TTC28: variants seen among roughly 807,000 people sequenced by gnomAD.
TTC28 encodes tetratricopeptide repeat domain 28, also known as tetratricopeptide repeat protein 28.
Under a neutral mutation model 198.0 loss-of-function variants are expected in TTC28, and 61 were observed. The observed-to-expected ratio is 0.31, with a 90% CI of 0.25 to 0.38. TTC28 has a LOEUF of 0.38. Among genes scored for constraint, TTC28 ranks in the 10% least tolerant of loss-of-function variants. The pLI, the probability that TTC28 is intolerant of heterozygous loss-of-function variation, is 1.00. For missense variants in TTC28, 2,678 were observed against 3,164.0 expected (o/e 0.85, Z 3.69); for synonymous variants, 1,171 against 1,297.8 (o/e 0.90, Z 2.10).
rs138284713 is a variant in TTC28, at chr22:28,083,547, G to A, written c.3932+10533C>T. ...ATTCAGCAGTGGAGCCAAGATGGCCGAATAGGAACAGCTCCAGTCTACAGC... is the reference window on the plus strand; with the variant it reads ...ATTCAGCAGTGGAGCCAAGATGGCCAAATAGGAACAGCTCCAGTCTACAGC... On this transcript the variant is annotated intron_variant, in intron 12 of 22. Coordinates refer to ENST00000397906, the MANE Select transcript of TTC28 (RefSeq NM_001145418.2). Among the ~76,000 whole-genome samples, 552 of 152,336 alleles carry A rather than the reference G, an allele frequency of 3.6e-3. 9 individuals carry two copies. The East Asian group carries it at 0.052, about 14-fold the overall frequency.
chr22:28,119,323 T>C (rs1942722574), intron 6 of TTC28, among the ~76,000 whole-genome samples: 1 of 152,172 alleles, frequency 6.6e-6, no homozygotes, highest in South Asian at 2.1e-4. Context: ...GTCCTCAATA[T>C]TACAAATAAC....
intron 2 of TTC28, among the ~76,000 whole-genome samples, chr22:28,326,630 GAC>G (rs1353151849): frequency 6.6e-6 from 1 of 152,162 alleles, no homozygotes; most frequent in Non-Finnish European, 1.5e-5. Flanking sequence ...GAGAACAAAA[GAC>G]AGATACCTTT....
intron 2 of TTC28, among the ~76,000 whole-genome samples, chr22:28,474,317 T>C (rs2048133933): frequency 6.6e-6 from 1 of 152,188 alleles, no homozygotes; most frequent in Non-Finnish European, 1.5e-5. Context: ...TGTATTTATA[T>C]GTATATCAGA....
At chr22:28,017,772 C>T (rs1301255474) in intron 13 of TTC28, among the ~76,000 whole-genome samples, 3 of 152,178 alleles carry the variant, frequency 2.0e-5, no homozygotes, top group Admixed American at 1.3e-4. Flanking sequence ...CCAGTTGTTT[C>T]CTAGGGGATG....
chr22:28,552,251 C>G (rs2049687094), intron 2 of TTC28, among the ~76,000 whole-genome samples: 1 of 152,082 alleles, frequency 6.6e-6, no homozygotes, highest in Admixed American at 6.6e-5. Flanking sequence ...CAAATGGAAA[C>G]ACAACCCATG....
rs1443622875 is a variant in TTC28 at position 28,364,503 on chromosome 22, GAT to G, written c.382-57862_382-57861del. Among the ~76,000 whole-genome samples the G allele has an allele frequency of 2.0e-5, 3 of 152,176 alleles. No homozygotes were observed. The East Asian group carries it at 5.8e-4, about 29-fold the overall frequency. On this transcript the variant is annotated intron_variant, in intron 2 of 22. Transcript: ENST00000397906. ...TGAGGTTATAGTTGCCATAGATAGT[GAT>G]TCCTCTGAAGGCTATGGACAAAGTC...
intron 2 of TTC28, among the ~76,000 whole-genome samples, chr22:28,462,260 T>C (rs9625477): frequency 0.1 from 15,274 of 152,166 alleles, 870 homozygotes; most frequent in African/African-American, 0.12. Flanking sequence ...CTTTAGCCAA[T>C]AGAATGTGAG....
intron 2 of TTC28, among the ~76,000 whole-genome samples, chr22:28,486,210 T>C (rs1027264619): frequency 2.6e-5 from 4 of 152,094 alleles, no homozygotes; most frequent in Non-Finnish European, 4.4e-5. Context: ...CTAAGGAAAA[T>C]TGCTTTTACT....
intron 2 of TTC28, among the ~76,000 whole-genome samples, chr22:28,387,760 G>A (rs549983987): frequency 1.3e-5 from 2 of 152,282 alleles, no homozygotes; most frequent in South Asian, 4.1e-4. Flanking sequence ...TGTCAGATGA[G>A]TAGGTTGCGA....
chr22:28,140,298 C>T (rs1943300777), intron 6 of TTC28, among the ~76,000 whole-genome samples: 1 of 152,238 alleles, frequency 6.6e-6, no homozygotes, highest in African/African-American at 2.4e-5. Flanking sequence ...TGATGTAAAA[C>T]AAACTCAGCC....
chr22:28,175,754 G>T (rs1923110644), intron 5 of TTC28, among the ~76,000 whole-genome samples: 1 of 151,802 alleles, frequency 6.6e-6, no homozygotes, highest in South Asian at 2.1e-4. Context: ...TAAAAAATGG[G>T]CAAAAGACCT....
chr22:28,426,148 G>C (rs916507104), intron 2 of TTC28, among the ~76,000 whole-genome samples: 3 of 148,322 alleles, frequency 2.0e-5, no homozygotes, highest in African/African-American at 7.4e-5. Flanking sequence ...GGAGGCCGAA[G>C]TTGCAGTGAG....
intron 2 of TTC28, among the ~76,000 whole-genome samples, chr22:28,433,048 A>G (rs898136717): frequency 6.6e-6 from 1 of 152,204 alleles, no homozygotes; most frequent in Non-Finnish European, 1.5e-5. Context: ...AAGTGGTTAT[A>G]TGGATCCTGT....
At chr22:28,029,082 C>T (rs777691834) in intron 13 of TTC28, 2 of 471,056 alleles carry the variant, frequency 4.2e-6, no homozygotes, top group Non-Finnish European at 8.8e-6. Flanking sequence ...TGTGTCCAGG[C>T]CCAATCCCAG....
At position 28,162,678 on chromosome 22, in the gene TTC28, G is replaced by A. The variant is rs1011860889; in HGVS notation, c.1441+414C>T. ...ATATCTAAAGAAAGAGGCCAGGTAC[G>A]GTGGCTTATGCCATAATTGTAGCAC... On this transcript the variant is annotated intron_variant, in intron 6 of 22. Coordinates refer to ENST00000397906, the MANE Select transcript of TTC28 (RefSeq NM_001145418.2). 8.5e-5 allele frequency among the ~76,000 whole-genome samples: 13 copies of A among 152,180 alleles called. No individual in the cohort carries two copies. In the East Asian group the frequency reaches 1.5e-3, roughly 18 times the overall value.
At chr22:28,495,462 A>G (rs1438856285) in intron 2 of TTC28, among the ~76,000 whole-genome samples, 1 of 152,222 alleles carries the variant, frequency 6.6e-6, no homozygotes, top group Non-Finnish European at 1.5e-5. Context: ...CTCGAGTACT[A>G]CAATCATTCA....
At chr22:28,168,245 C>T (rs1043582725) in intron 5 of TTC28, among the ~76,000 whole-genome samples, 4 of 152,244 alleles carry the variant, frequency 2.6e-5, no homozygotes, top group Non-Finnish European at 4.4e-5. Context: ...GGCCATACTG[C>T]CCAAGGTAAT....
chr22:28,397,792 C>CT (rs904941629), intron 2 of TTC28, among the ~76,000 whole-genome samples: 6 of 152,174 alleles, frequency 3.9e-5, no homozygotes, highest in Admixed American at 3.9e-4. Context: ...ATTCTATGTT[C>CT]TTTCTCCTAC....
Position 28,397,407 on chromosome 22 carries a change from C to T in TTC28, c.382-90764G>A, listed in dbSNP as rs534551152. Reference sequence around the variant, plus strand: ...TGAATAAGAGGCAAGAGTAGTAACACACCACAAAGCTAGTGCTCACAAAGA... The same window carrying T: ...TGAATAAGAGGCAAGAGTAGTAACATACCACAAAGCTAGTGCTCACAAAGA... On this transcript the variant is annotated intron_variant, in intron 2 of 22. Transcript: ENST00000397906. Among the ~76,000 whole-genome samples the T allele has an allele frequency of 3.3e-5, 5 of 152,332 alleles. No homozygotes were observed. The South Asian group carries it at 1.0e-3, about 32-fold the overall frequency.
Sources: gnomAD v4.1 joint callset for allele counts (sites outside exome capture counted in the v4.1 genomes callset) on GRCh38, gnomAD v4.1.1 for gene constraint, MANE v1.5 for transcripts, NCBI Gene and HGNC (gene_info 2026-07-23, HGNC 2026-07-21) for gene names.